ABCC3: variants seen among roughly 807,000 people sequenced by gnomAD.
The protein encoded by ABCC3 is ATP-binding cassette sub-family C member 3.
ABCC3 carries 121 observed loss-of-function variants against 165.3 expected under a neutral mutation model. That is an observed-to-expected ratio of 0.73 (90% CI 0.63 to 0.85). The LOEUF is 0.85. Among genes scored for constraint, ABCC3 ranks in the 40% least tolerant of loss-of-function variants. The pLI, the probability that ABCC3 is intolerant of heterozygous loss-of-function variation, is 0.00. For synonymous variants in ABCC3, 733 were observed against 810.1 expected, an observed-to-expected ratio of 0.90 and a Z score of 1.62; for missense variants, 1,869 against 1,964.1, an observed-to-expected ratio of 0.95 and a Z score of 0.92.
rs1967817113 is a variant in ABCC3 at position 50,676,572 on chromosome 17, T to C, written c.3362T>C (p.Leu1121Pro). 1 of 1,606,782 alleles carries C rather than the reference T, an allele frequency of 6.2e-7. No individual in the cohort carries two copies. Among genetic ancestry groups the C allele is most frequent in the Non-Finnish European group, 8.5e-7 (1 of 1,175,958 alleles). ...FTVVILPLAV[L>P]YTLVQRFYAA... The stretch of plus-strand genomic sequence containing the variant: ...GTGGTCATCCTGCCCCTGGCTGTGC[T>C]CTACACCTTAGTGCAGGTGTGGGGT... The change falls in exon 23 of 31, where the codon CTC (leucine) becomes CCC (proline). Residue 1121 changes from leucine (L) to proline (P), a missense_variant. Coordinates refer to ENST00000285238, the MANE Select transcript of ABCC3 (RefSeq NM_003786.4).
chr17:50,687,634 C>G lies in ABCC3; in HGVS notation c.4379C>G (p.Thr1460Ser). The G allele has an allele frequency of 6.2e-7, 1 of 1,614,250 alleles. No individual in the cohort carries two copies. The highest frequency in any genetic ancestry group is 8.5e-7 in the Non-Finnish European group (1 of 1,180,042). Residue 1460 changes from threonine (T) to serine (S), a missense_variant, in exon 30 of 31, where the codon ACT (threonine) becomes AGT (serine). Physicochemically the swap from Thr to Ser is moderately conservative, Grantham distance 58 (BLOSUM62 1). Transcript: ENST00000285238. ...DEATAAIDLE[T>S]DNLIQATIRT... is the part of the protein sequence containing the mutation. The stretch of plus-strand genomic sequence containing the variant: ...GCCACAGCTGCCATCGACCTGGAGA[C>G]TGACAACCTCATCCAGGCTACCATC...
Position 50,677,862 on chromosome 17 carries a change from G to A in ABCC3, c.3497G>A (p.Arg1166His), listed in dbSNP as rs746878168. The A allele has an allele frequency of 2.7e-5, 43 of 1,614,102 alleles. 1 individual carries two copies. The highest frequency in any genetic ancestry group is 2.3e-4 in the South Asian group (21 of 91,078). Residue 1166 changes from arginine to histidine, a missense_variant, in exon 24 of 31, where the codon CGC becomes CAC. Arg to His is a conservative substitution (Grantham distance 29). Transcript: ENST00000285238. ...TGASVIRAYNRSRDFEIISDT... is the reference protein window; with the variant it reads ...TGASVIRAYNHSRDFEIISDT... ...GCCAGTGTCATCCGGGCCTACAACC[G>A]CAGCCGGGATTTTGAGATCATCAGT...
chr17:50,659,502 C>A, intron 7 of ABCC3, 134 bp downstream of exon 7: 1 of 1,081,766 alleles, frequency 9.2e-7, no homozygotes, highest in Non-Finnish European at 1.3e-6. Context: ...TTCTTGGCAG[C>A]CTCGGGACCA....
chr17:50,684,569 T>C lies in ABCC3; in HGVS notation c.4114-140T>C. On this transcript the variant is annotated intron_variant, in intron 28 of 30. Transcript: ENST00000285238. ...CCCTACAGGCAATTTTCTATCTCTTTGGCCATTGTGTCCTCTGGGGAGCTG... is the reference window on the plus strand; with the variant it reads ...CCCTACAGGCAATTTTCTATCTCTTCGGCCATTGTGTCCTCTGGGGAGCTG... 4.5e-6 allele frequency: 4 copies of C among 883,814 alleles called. No homozygotes were observed. The South Asian group carries it at 5.8e-5, about 13-fold the overall frequency. 54.7% of individuals were successfully genotyped at this position (883,814 alleles called of 1,614,324 possible).
intron 26 of ABCC3, 36 bp from the exon 27 acceptor site, chr17:50,683,574 G>C (rs1967963267): frequency 1.3e-6 from 2 of 1,506,028 alleles, no homozygotes; most frequent in Non-Finnish European, 1.8e-6. Flanking sequence ...GGCTTCACTG[G>C]GCAGCTGATG....
At chr17:50,671,847 G>A (rs552379652) in intron 17 of ABCC3, among the ~76,000 whole-genome samples, 4 of 150,006 alleles carry the variant, frequency 2.7e-5, no homozygotes, top group South Asian at 2.1e-4. Flanking sequence ...TCAGCCTCCC[G>A]AATAGCTGGG....
chr17:50,672,873 A>G, intron 17 of ABCC3, 98 bp from the exon 18 acceptor site: 2 of 1,154,674 alleles, frequency 1.7e-6, no homozygotes, highest in Non-Finnish European at 2.4e-6. Context: ...ATCTCAGGAA[A>G]AAAAAAAAAA....
At position 50,669,335 on chromosome 17, in the gene ABCC3, A is replaced by G. The variant is rs1187864971; in HGVS notation, c.2065-17A>G. The G allele has an allele frequency of 2.5e-6, 4 of 1,614,004 alleles. No homozygotes were observed. The highest frequency in any genetic ancestry group is 1.3e-5 in the African/African-American group (1 of 74,914). On this transcript the variant is annotated splice_polypyrimidine_tract_variant and intron_variant, in intron 16 of 30. Transcript: ENST00000285238. Reference sequence around the variant, plus strand: ...AGGCCTTGGGCAAGCCCCGAGGTAAATTTCTCCTGTGGCCAGGGCTCCGTG... The same window carrying G: ...AGGCCTTGGGCAAGCCCCGAGGTAAGTTTCTCCTGTGGCCAGGGCTCCGTG...
intron 30 of ABCC3, among the ~76,000 whole-genome samples, chr17:50,688,233 A>G (rs1332585282): frequency 6.6e-6 from 1 of 152,070 alleles, no homozygotes; most frequent in Non-Finnish European, 1.5e-5. Context: ...TTTCTAACAC[A>G]TGGGGAAGGG....
Position 50,676,260 on chromosome 17 carries a change from C to T in ABCC3, c.3068-18C>T, listed in dbSNP as rs1432806544. On this transcript the variant is annotated intron_variant, in intron 22 of 30. Coordinates refer to ENST00000285238, the MANE Select transcript of ABCC3 (RefSeq NM_003786.4). The stretch of plus-strand genomic sequence containing the variant: ...TCACTAGTCCAGGTGAGCCAGCGCC[C>T]TCTGCCTTCTCCAACAGGGTTCTTG... The T allele has an allele frequency of 6.2e-7, 1 of 1,605,138 alleles. No individual in the cohort carries two copies. The highest frequency in any genetic ancestry group is 1.1e-5 in the South Asian group (1 of 89,358).
rs1379403604 is a variant in ABCC3, at chr17:50,655,418, A to AAC, written c.46-413_46-412insCA. The stretch of plus-strand genomic sequence containing the variant: ...AGACTCTGTCTCAAAAAAAAAAAAA[A>AAC]AAACAAAAACAAAAAAAAAAGAGTG... On this transcript the variant is annotated intron_variant, in intron 1 of 30. Transcript: ENST00000285238. Among the ~76,000 whole-genome samples the AAC allele has an allele frequency of 2.2e-4, 32 of 147,984 alleles. 2 individuals carry two copies. Among genetic ancestry groups the AAC allele is most frequent in the Admixed American group, 4.7e-4 (7 of 14,916 alleles).
intron 1 of ABCC3, among the ~76,000 whole-genome samples, chr17:50,652,547 T>G (rs1967131830): frequency 6.6e-6 from 1 of 152,244 alleles, no homozygotes; most frequent in Admixed American, 6.5e-5. Context: ...CTAATGCACC[T>G]TGCAAGTGAA....
rs1255234444 is a variant in ABCC3, at chr17:50,692,099, C to CA, written c.*901dup. 6.6e-6 allele frequency: 1 copy of CA among 152,208 alleles called. No homozygotes were observed. Among genetic ancestry groups the CA allele is most frequent in the Non-Finnish European group, 1.5e-5 (1 of 68,076 alleles). The allele number at this position is 152,208 out of a possible 1,614,324, so 9.4% of individuals were successfully genotyped here. ...CAGTTCCTATAACCAGTGAGGCCTC[C>CA]AAGTCATTCATTTTCCTCAGTCTAG... On this transcript the variant is annotated 3_prime_UTR_variant, in exon 31 of 31. Coordinates refer to ENST00000285238, the MANE Select transcript of ABCC3 (RefSeq NM_003786.4).
At chr17:50,659,830 A>G (rs995984699) in intron 7 of ABCC3, among the ~76,000 whole-genome samples, 1 of 152,090 alleles carries the variant, frequency 6.6e-6, no homozygotes, top group Non-Finnish European at 1.5e-5. Context: ...ACAAAAAATA[A>G]ACAAGATGAG....
chr17:50,675,157 T>C (rs923994932), intron 19 of ABCC3, among the ~76,000 whole-genome samples: 4 of 152,214 alleles, frequency 2.6e-5, no homozygotes, highest in Admixed American at 2.6e-4. Flanking sequence ...CTAACCCTTG[T>C]ATTTGAGTCC....
At chr17:50,683,289 G>A (rs1000498620) in intron 26 of ABCC3, among the ~76,000 whole-genome samples, 1 of 150,646 alleles carries the variant, frequency 6.6e-6, no homozygotes, top group Non-Finnish European at 1.5e-5. Context: ...GAGGAGAATC[G>A]CTGGAACCCA....
At chr17:50,635,123 G>A (rs2054166529) in intron 1 of ABCC3, 142 bp downstream of exon 1, 2 of 921,948 alleles carry the variant, frequency 2.2e-6, no homozygotes, top group Non-Finnish European at 2.9e-6. Flanking sequence ...GGGAGGGGGC[G>A]ATGGGCTCGG....
chr17:50,669,045 T>G, intron 15 of ABCC3, 95 bp from the exon 16 acceptor site: 1 of 1,598,206 alleles, frequency 6.3e-7, no homozygotes, highest in Non-Finnish European at 8.6e-7. Context: ...GGGGGGTGTC[T>G]GGAAGGGCGG....
chr17:50,663,599 G>A, intron 8 of ABCC3, 82 bp from the exon 9 acceptor site: 2 of 1,507,326 alleles, frequency 1.3e-6, no homozygotes, highest in Non-Finnish European at 1.8e-6. Flanking sequence ...AGTGGAGACT[G>A]CGGGTAAAAG....
Sources: gnomAD v4.1 joint callset for allele counts (sites outside exome capture counted in the v4.1 genomes callset) on GRCh38, gnomAD v4.1.1 for gene constraint, MANE v1.5 for transcripts, NCBI Gene and HGNC (gene_info 2026-07-23, HGNC 2026-07-21) for gene names.